The following ARHGEF10L variants were observed in gnomAD, a reference collection of about 807,000 sequenced individuals.
ARHGEF10L encodes rho guanine nucleotide exchange factor 10-like protein.
In ARHGEF10L, 69 loss-of-function variants were observed where a neutral mutation model predicts 141.2. The observed-to-expected ratio is 0.49, with a 90% CI of 0.40 to 0.60. The LOEUF (loss-of-function observed/expected upper bound fraction) is 0.60, where lower values mean the gene tolerates loss of function less well. Ranked by LOEUF, ARHGEF10L falls within the 20% of genes least tolerant of loss-of-function variation. ARHGEF10L has a pLI of 0.00. For synonymous variants in ARHGEF10L, 711 were observed against 718.5 expected (o/e 0.99, Z 0.17); for missense variants, 1,482 against 1,734.3 (o/e 0.85, Z 2.58).
chr1:17,612,070 C>G (rs1286083524), intron 7 of ARHGEF10L, among the ~76,000 whole-genome samples: 1 of 152,098 alleles, frequency 6.6e-6, no homozygotes, highest in African/African-American at 2.4e-5. Flanking sequence ...CCCTCCCTCC[C>G]TTTTACCCTT....
intron 15 of ARHGEF10L, among the ~76,000 whole-genome samples, chr1:17,628,723 T>C (rs1194354613): frequency 1.3e-5 from 2 of 152,236 alleles, no homozygotes; most frequent in African/African-American, 4.8e-5. Context: ...TGGCTGGCTG[T>C]TCCCAGGAGG....
In ARHGEF10L at chr1:17,654,489, G is replaced by GTC; in HGVS notation, c.2395-147_2395-146insTC. 8.0e-6 allele frequency: 6 copies of GTC among 749,588 alleles called. No individual in the cohort carries two copies. The highest frequency in any genetic ancestry group is 2.4e-4 in the Middle Eastern group (1 of 4,244). 46.4% of individuals were successfully genotyped at this position (749,588 alleles called of 1,614,324 possible). A position where few individuals can be genotyped will look rare whatever the true frequency, so the allele number is the denominator to read the frequency against. On this transcript the variant is annotated intron_variant, in intron 22 of 28. Transcript: ENST00000361221. The surrounding 1 kb of genome is among the most constrained non-coding windows in gnomAD (Gnocchi z 4.3). ...CGTGTAGGAACTGCCTGGAGAAGCA[G>GTC]GCACTCGTGAAGCATGTTGCTTTCC...
chr1:17,696,010 A>G (rs1043374046), intron 28 of ARHGEF10L, among the ~76,000 whole-genome samples: 5 of 152,134 alleles, frequency 3.3e-5, no homozygotes, highest in Non-Finnish European at 5.9e-5. Flanking sequence ...CAGCCTGGGC[A>G]ACACAGTGAA....
At chr1:17,549,966 C>T (rs1475594173) in intron 1 of ARHGEF10L, among the ~76,000 whole-genome samples, 2 of 152,102 alleles carry the variant, frequency 1.3e-5, no homozygotes, top group African/African-American at 4.8e-5. Context: ...TTTGCAGGGT[C>T]AAGGGCAGGG....
chr1:17,632,224 G>A (rs1417838135), intron 15 of ARHGEF10L, 97 bp from the exon 16 acceptor site: 10 of 1,500,362 alleles, frequency 6.7e-6, no homozygotes, highest in South Asian at 2.3e-5. Flanking sequence ...CCCAGCCTCA[G>A]TCTCCCTTTC....
intron 18 of ARHGEF10L, among the ~76,000 whole-genome samples, chr1:17,635,231 T>G (rs999883004): frequency 2.0e-5 from 3 of 152,100 alleles, no homozygotes; most frequent in Admixed American, 2.0e-4. Flanking sequence ...CATCTCCCAA[T>G]CCACACACTT....
At chr1:17,635,095 T>G in intron 18 of ARHGEF10L, 79 bp downstream of exon 18, 1 of 1,567,148 alleles carries the variant, frequency 6.4e-7, no homozygotes, top group Non-Finnish European at 8.7e-7. Flanking sequence ...CTACCCAGGC[T>G]TGGCCCTGTC....
intron 2 of ARHGEF10L, among the ~76,000 whole-genome samples, chr1:17,586,392 C>T (rs146476181): frequency 7.9e-5 from 12 of 152,228 alleles, no homozygotes; most frequent in East Asian, 1.9e-4. Context: ...CTGCTTAGGG[C>T]GGTCAGCTTG....
chr1:17,697,471 G>A lies in ARHGEF10L; in HGVS notation c.*91G>A, dbSNP rs1465863692. On this transcript the variant is annotated 3_prime_UTR_variant, in exon 29 of 29. Coordinates refer to ENST00000361221, the MANE Select transcript of ARHGEF10L (RefSeq NM_018125.4). This position sits in a 1 kb window ranked among gnomAD's most constrained non-coding sequence, Gnocchi z 4.8. ...CTCTAGGACCTGCACGGGACTTGTG[G>A]ATGGGCCTGGACTCTCCAGAAACTA... 2.1e-6 allele frequency: 3 copies of A among 1,449,494 alleles called. No individual in the cohort carries two copies. In the African/African-American group the frequency reaches 4.3e-5, roughly 21 times the overall value. 89.8% of individuals were successfully genotyped at this position (1,449,494 alleles called of 1,614,324 possible).
chr1:17,623,258 C>T lies in ARHGEF10L; in HGVS notation c.1200+83C>T. The T allele has an allele frequency of 6.8e-7, 1 of 1,473,278 alleles. No homozygotes were observed. The highest frequency in any genetic ancestry group is 1.4e-5 in the African/African-American group (1 of 70,898). The allele number at this position is 1,473,278 out of a possible 1,614,324, so 91.3% of individuals were successfully genotyped here. A position where few individuals can be genotyped will look rare whatever the true frequency, so the allele number is the denominator to read the frequency against. On this transcript the variant is annotated intron_variant, in intron 12 of 28. Transcript: ENST00000361221. This position sits in a 1 kb window ranked among gnomAD's most constrained non-coding sequence, Gnocchi z 4.7. Reference sequence around the variant, plus strand: ...CCCCGGGGCCATGCAGTCCAGCCTCCTGCCTCTGCCTGCTTGCCTTGTTCA... The same window carrying T: ...CCCCGGGGCCATGCAGTCCAGCCTCTTGCCTCTGCCTGCTTGCCTTGTTCA...
At chr1:17,580,468 C>T (rs1305933969) in intron 1 of ARHGEF10L, 85 bp from the exon 2 acceptor site, 28 of 1,225,276 alleles carry the variant, frequency 2.3e-5, no homozygotes, top group Non-Finnish European at 3.1e-5. Flanking sequence ...GGCTGAAGCA[C>T]AGGTTGTGAG....
At chr1:17,635,037 C>CCCTGCGTTCGTCACCCTCGCCCTCA in intron 18 of ARHGEF10L, 21 bp downstream of exon 18, 1 of 1,613,360 alleles carries the variant, frequency 6.2e-7, no homozygotes, top group Admixed American at 1.7e-5. Context: ...CCTCTCTGTG[C>CCCTGCGTTCGTCACCCTCGCCCTCA]CCTGCGTTCG....
chr1:17,516,567 C>T, the ARHGEF10L span, among the ~76,000 whole-genome samples: 4 of 152,192 alleles, frequency 2.6e-5, no homozygotes, highest in Non-Finnish European at 4.4e-5. Context: ...GTGGAAGGCC[C>T]GGGTCAGCCT....
chr1:17,595,500 C>T (rs2080006340), intron 4 of ARHGEF10L, among the ~76,000 whole-genome samples: 1 of 152,130 alleles, frequency 6.6e-6, no homozygotes, highest in Admixed American at 6.5e-5. Context: ...ACGCTCACTC[C>T]CTGCTGAGGT....
At chr1:17,617,935 C>A (rs1349987821) in intron 9 of ARHGEF10L, among the ~76,000 whole-genome samples, 1 of 152,188 alleles carries the variant, frequency 6.6e-6, no homozygotes, top group East Asian at 1.9e-4. Flanking sequence ...TGTCGCCTTG[C>A]ACTTTTTCCC....
At chr1:17,590,862 CT>C (rs1398011124) in intron 4 of ARHGEF10L, among the ~76,000 whole-genome samples, 2 of 152,286 alleles carry the variant, frequency 1.3e-5, no homozygotes, top group African/African-American at 4.8e-5. Flanking sequence ...TGAACGGTGC[CT>C]GTAATTCCAG....
chr1:17,554,985 A>G (rs953396021), intron 1 of ARHGEF10L, among the ~76,000 whole-genome samples: 12 of 152,220 alleles, frequency 7.9e-5, no homozygotes, highest in African/African-American at 2.6e-4. Context: ...CAGCAACAAT[A>G]ATAAAGGAAT....
In ARHGEF10L at chr1:17,602,301, G is replaced by A. The variant is rs2080761786; in HGVS notation, c.349+83G>A. On this transcript the variant is annotated intron_variant, in intron 5 of 28. Coordinates refer to ENST00000361221, the MANE Select transcript of ARHGEF10L (RefSeq NM_018125.4). ...GTCTTTCTAACCCAAGAGAGCTGAT[G>A]TGGGCTCCTGTGAGCCCAGGGTTCA... 2.3e-5 allele frequency: 34 copies of A among 1,452,218 alleles called. No homozygotes were observed. In the South Asian group the frequency reaches 4.0e-4, roughly 17 times the overall value. The allele number at this position is 1,452,218 out of a possible 1,614,324, so 90.0% of individuals were successfully genotyped here.
intron 26 of ARHGEF10L, among the ~76,000 whole-genome samples, chr1:17,672,196 C>T (rs566912643): frequency 2.8e-5 from 4 of 144,392 alleles, no homozygotes; most frequent in South Asian, 2.5e-4. Flanking sequence ...GCCCACCCCC[C>T]GCCCCAGCCG....
Sources: gnomAD v4.1 joint callset for allele counts (sites outside exome capture counted in the v4.1 genomes callset) on GRCh38, gnomAD v4.1.1 for gene constraint, Gnocchi (gnomAD v3.1) non-coding constraint, MANE v1.5 for transcripts, NCBI Gene and HGNC (gene_info 2026-07-23, HGNC 2026-07-21) for gene names.